Variants in SERGEF observed in about 807,000 individuals in gnomAD.
SERGEF encodes the protein secretion regulating guanine nucleotide exchange factor.
A neutral mutation model predicts 50.0 loss-of-function variants in SERGEF; 51 were observed. The observed-to-expected ratio is 1.02, with a 90% CI of 0.81 to 1.29. The LOEUF (loss-of-function observed/expected upper bound fraction) is 1.29, where lower values mean the gene tolerates loss of function less well. SERGEF is among the 50% of genes most tolerant of loss of function. SERGEF has a pLI of 0.00. For synonymous variants in SERGEF, 205 were observed against 212.4 expected, an observed-to-expected ratio of 0.97 and a Z score of 0.30; for missense variants, 521 against 557.0, an observed-to-expected ratio of 0.94 and a Z score of 0.65.
chr11:17,956,715 T>C (rs1852880400), intron 9 of SERGEF, among the ~76,000 whole-genome samples: 1 of 152,012 alleles, frequency 6.6e-6, no homozygotes, highest in Non-Finnish European at 1.5e-5. Flanking sequence ...GCTTATCCCT[T>C]GGACATTAAA....
chr11:17,798,586 C>A (rs2133823537), intron 10 of SERGEF, among the ~76,000 whole-genome samples: 1 of 152,328 alleles, frequency 6.6e-6, no homozygotes, highest in East Asian at 1.9e-4. Context: ...ATTCTTAGAT[C>A]TAGGGAGCTA....
intron 9 of SERGEF, among the ~76,000 whole-genome samples, chr11:17,914,163 G>T (rs997020038): frequency 2.0e-5 from 3 of 152,128 alleles, no homozygotes; most frequent in African/African-American, 7.2e-5. Context: ...TCTGTACTTT[G>T]TTCATGCTGT....
intron 8 of SERGEF, among the ~76,000 whole-genome samples, chr11:17,979,914 T>A (rs1049427091): frequency 1.3e-5 from 2 of 152,208 alleles, no homozygotes; most frequent in African/African-American, 2.4e-5. Flanking sequence ...CGCTAAAAAA[T>A]GGGAAAGGGG....
At position 18,006,607 on chromosome 11, in the gene SERGEF, A is replaced by T. The variant is rs780289532; in HGVS notation, c.336T>A (p.Phe112Leu). The stretch of plus-strand genomic sequence containing the variant: ...TGAACTCACCTGTGAGCATAATCGT[A>T]AAATCCCAGCCACAGGCCACCTGTT... ...PIQQVACGWD[F>L]TIMLTENGQV... The change falls in exon 3 of 11, where the codon TTT becomes TTA. Residue 112 changes from phenylalanine to leucine, a missense_variant. Physicochemically the swap from Phe to Leu is conservative, Grantham distance 22. Coordinates refer to ENST00000265965, the MANE Select transcript of SERGEF (RefSeq NM_012139.4). The T allele has an allele frequency of 1.2e-6, 2 of 1,613,932 alleles. No individual in the cohort carries two copies. The highest frequency in any genetic ancestry group is 3.3e-5 in the Admixed American group (2 of 59,962).
At chr11:17,982,643 C>T (rs1303995876) in intron 8 of SERGEF, among the ~76,000 whole-genome samples, 1 of 152,042 alleles carries the variant, frequency 6.6e-6, no homozygotes, top group East Asian at 1.9e-4. Flanking sequence ...GATCTTGGCC[C>T]CAAAACAGAA....
intron 9 of SERGEF, among the ~76,000 whole-genome samples, chr11:17,881,639 T>C (rs372655070): frequency 6.6e-6 from 1 of 152,352 alleles, no homozygotes; most frequent in East Asian, 1.9e-4. Flanking sequence ...GGAAGCTAGA[T>C]GAGTCCCAGG....
chr11:17,856,231 G>C (rs1273482745), intron 10 of SERGEF: 1 of 152,684 alleles, frequency 6.5e-6, no homozygotes, highest in East Asian at 1.9e-4. Context: ...GCTGCCCATG[G>C]CTGGCTCCCC....
intron 9 of SERGEF, among the ~76,000 whole-genome samples, chr11:17,954,694 G>A (rs1006734957): frequency 6.6e-6 from 1 of 152,188 alleles, no homozygotes; most frequent in African/African-American, 2.4e-5. Flanking sequence ...CACTGTATGT[G>A]CACACACATG....
intron 10 of SERGEF, among the ~76,000 whole-genome samples, chr11:17,794,017 T>C (rs1049155501): frequency 6.6e-6 from 1 of 152,358 alleles, no homozygotes; most frequent in South Asian, 2.1e-4. Context: ...TAGGGCCTTA[T>C]GGTGCTGGGA....
At chr11:17,972,276 G>C (rs1293207705) in intron 8 of SERGEF, among the ~76,000 whole-genome samples, 1 of 152,236 alleles carries the variant, frequency 6.6e-6, no homozygotes, top group South Asian at 2.1e-4. Context: ...CTATCAAACA[G>C]CATTGCATGC....
At chr11:17,889,695 T>G (rs966572869) in intron 9 of SERGEF, among the ~76,000 whole-genome samples, 4 of 152,190 alleles carry the variant, frequency 2.6e-5, no homozygotes, top group African/African-American at 9.7e-5. Context: ...GATAAGAGTA[T>G]TCTATCAACG....
intron 5 of SERGEF, among the ~76,000 whole-genome samples, chr11:17,997,598 T>C (rs1286623405): frequency 6.6e-6 from 1 of 152,206 alleles, no homozygotes; most frequent in African/African-American, 2.4e-5. Flanking sequence ...GCAGCATTAT[T>C]CACAATAGCT....
intron 10 of SERGEF, among the ~76,000 whole-genome samples, chr11:17,824,295 C>T (rs1403622673): frequency 1.5e-5 from 1 of 66,476 alleles, no homozygotes; most frequent in Admixed American, 1.8e-4. Flanking sequence ...AGCGAGACAC[C>T]GTCTCAAAAA....
At chr11:17,942,529 A>G (rs1228755579) in intron 9 of SERGEF, among the ~76,000 whole-genome samples, 1 of 152,158 alleles carries the variant, frequency 6.6e-6, no homozygotes, top group Admixed American at 6.5e-5. Flanking sequence ...AGATTTTATA[A>G]TTCAACAATC....
intron 9 of SERGEF, among the ~76,000 whole-genome samples, chr11:17,946,315 C>A (rs1852660710): frequency 6.6e-6 from 1 of 152,186 alleles, no homozygotes; most frequent in Admixed American, 6.5e-5. Flanking sequence ...CTCTCTTCAA[C>A]TGCAAACGGA....
chr11:17,793,012 T>C (rs1849511010), intron 10 of SERGEF, among the ~76,000 whole-genome samples: 1 of 152,230 alleles, frequency 6.6e-6, no homozygotes. Flanking sequence ...CTATGGCCTA[T>C]GGACTACGCT....
At chr11:17,993,366 T>C (rs921186121) in intron 6 of SERGEF, among the ~76,000 whole-genome samples, 2 of 152,216 alleles carry the variant, frequency 1.3e-5, no homozygotes, top group African/African-American at 2.4e-5. Context: ...GGTGTGTGTA[T>C]GTAAAAATGT....
intron 9 of SERGEF, among the ~76,000 whole-genome samples, chr11:17,924,200 T>C (rs947769475): frequency 1.3e-5 from 2 of 152,228 alleles, no homozygotes; most frequent in Non-Finnish European, 2.9e-5. Flanking sequence ...CAAATGGTTC[T>C]GGAATTATGT....
intron 10 of SERGEF, among the ~76,000 whole-genome samples, chr11:17,842,469 G>A (rs907604749): frequency 7.2e-5 from 11 of 152,160 alleles, no homozygotes; most frequent in Non-Finnish European, 1.2e-4. Flanking sequence ...TGCATTAGGC[G>A]TGGTACCAAG....
Sources: gnomAD v4.1 joint callset for allele counts (sites outside exome capture counted in the v4.1 genomes callset) on GRCh38, gnomAD v4.1.1 for gene constraint, MANE v1.5 for transcripts, NCBI Gene and HGNC (gene_info 2026-07-23, HGNC 2026-07-21) for gene names.